Variants in BICD2 observed in about 807,000 individuals in gnomAD.
The protein encoded by BICD2 is protein bicaudal D homolog 2.
In BICD2, 25 loss-of-function variants were observed where a neutral mutation model predicts 72.9. The ratio of observed to expected loss-of-function variants is 0.34; its 90% CI spans 0.25 to 0.48. BICD2 has a LOEUF of 0.48. Ranked by LOEUF, BICD2 falls within the 20% of genes least tolerant of loss-of-function variation. BICD2 has a pLI of 0.99. For synonymous variants in BICD2, 501 were observed against 516.1 expected (o/e 0.97, Z 0.40); for missense variants, 894 against 1,175.2 (o/e 0.76, Z 3.50).
In BICD2 at chr9:92,713,986, G is replaced by A; in HGVS notation, c.*1168C>T. ...GTCCCACAGGGTGATCGGGAAAAAA[G>A]TACTGAGAAAAGTTCTGCTCAGAAT... is the stretch of plus-strand genomic sequence containing the variant. On this transcript the variant is annotated 3_prime_UTR_variant, in exon 7 of 7. Transcript: ENST00000356884. 1 of 987,660 alleles carries A rather than the reference G, an allele frequency of 1.0e-6. No homozygotes were observed. The highest frequency in any genetic ancestry group is 1.2e-6 in the Non-Finnish European group (1 of 831,258). 61.2% of individuals were successfully genotyped at this position (987,660 alleles called of 1,614,324 possible). A position where few individuals can be genotyped will look rare whatever the true frequency, so the allele number is the denominator to read the frequency against.
intron 1 of BICD2, among the ~76,000 whole-genome samples, chr9:92,746,288 T>C (rs1854011164): frequency 6.6e-6 from 1 of 151,970 alleles, no homozygotes; most frequent in African/African-American, 2.4e-5. Context: ...TCCCAGCACT[T>C]TGGGAGGCTG....
At chr9:92,721,695 A>C (rs1441807864) in intron 3 of BICD2, among the ~76,000 whole-genome samples, 1 of 152,190 alleles carries the variant, frequency 6.6e-6, no homozygotes, top group Non-Finnish European at 1.5e-5. Flanking sequence ...GGAATCCCAG[A>C]GAGGGAGAGA....
intron 1 of BICD2, among the ~76,000 whole-genome samples, chr9:92,747,854 G>A (rs1452213141): frequency 1.3e-5 from 2 of 152,176 alleles, no homozygotes; most frequent in Non-Finnish European, 2.9e-5. Flanking sequence ...AAGCATCTGT[G>A]GCATGAATGG....
intron 1 of BICD2, among the ~76,000 whole-genome samples, chr9:92,735,286 T>C (rs1853758639): frequency 6.6e-6 from 1 of 151,898 alleles, no homozygotes; most frequent in Non-Finnish European, 1.5e-5. Flanking sequence ...CAGACACCAT[T>C]AGGGAGGCCA....
intron 1 of BICD2, among the ~76,000 whole-genome samples, chr9:92,763,398 T>C (rs1854411338): frequency 6.6e-6 from 1 of 152,068 alleles, no homozygotes; most frequent in Non-Finnish European, 1.5e-5. Context: ...CAAGCTATAC[T>C]CCTGACCGCA....
In BICD2 at chr9:92,718,927, G is replaced by A; in HGVS notation, c.1718C>T (p.Thr573Ile). The A allele has an allele frequency of 6.2e-7, 1 of 1,608,106 alleles. No individual in the cohort carries two copies. The highest frequency in any genetic ancestry group is 2.2e-5 in the East Asian group (1 of 44,836). The change falls in exon 5 of 7, where the codon ACC (threonine) becomes ATC (isoleucine). Residue 573 changes from threonine (T) to isoleucine (I), a missense_variant. Coordinates refer to ENST00000356884, the MANE Select transcript of BICD2 (RefSeq NM_001003800.2). ...GAGRTSPGGR[T>I]SPEARGRRSP... The stretch of plus-strand genomic sequence containing the variant: ...GCGCCGGCCACGCGCCTCGGGGCTG[G>A]TGCGGCCCCCGGGACTGGTGCGGCC...
At chr9:92,733,304 G>A (rs1185540495) in intron 1 of BICD2, among the ~76,000 whole-genome samples, 4 of 152,060 alleles carry the variant, frequency 2.6e-5, no homozygotes, top group Non-Finnish European at 4.4e-5. Flanking sequence ...TTGGAAGGTC[G>A]AGGCGGGCAG....
chr9:92,732,688 A>G (rs1318551574), intron 1 of BICD2, among the ~76,000 whole-genome samples: 1 of 152,238 alleles, frequency 6.6e-6, no homozygotes, highest in Non-Finnish European at 1.5e-5. Flanking sequence ...AAAAAAACTT[A>G]ACTAGAATGC....
chr9:92,763,378 A>G (rs1854410725), intron 1 of BICD2, among the ~76,000 whole-genome samples: 1 of 152,150 alleles, frequency 6.6e-6, no homozygotes, highest in African/African-American at 2.4e-5. Flanking sequence ...GGGGGAAGGG[A>G]GCACACCACC....
intron 1 of BICD2, among the ~76,000 whole-genome samples, chr9:92,732,791 T>C (rs540483879): frequency 6.6e-6 from 1 of 152,342 alleles, no homozygotes; most frequent in African/African-American, 2.4e-5. Context: ...TGCATTGGTA[T>C]TTAAAGATAT....
chr9:92,750,291 G>A (rs188485040), intron 1 of BICD2, among the ~76,000 whole-genome samples: 150 of 152,318 alleles, frequency 9.8e-4, no homozygotes, highest in African/African-American at 3.3e-3. Context: ...CCAGCGATCA[G>A]ACTCTTCAGG....
At chr9:92,751,134 T>TTTTTTTTG (rs544044268) in intron 1 of BICD2, among the ~76,000 whole-genome samples, 1 of 150,348 alleles carries the variant, frequency 6.7e-6, no homozygotes, top group African/African-American at 2.4e-5. Context: ...TGGTTGGTTT[T>TTTTTTTTG]TTGTTGTTGT....
At chr9:92,745,431 G>C (rs1208326913) in intron 1 of BICD2, among the ~76,000 whole-genome samples, 1 of 152,002 alleles carries the variant, frequency 6.6e-6, no homozygotes, top group Non-Finnish European at 1.5e-5. Context: ...ACCTAACTAA[G>C]GGTGGGGACA....
intron 2 of BICD2, 67 bp from the exon 3 acceptor site, chr9:92,722,875 C>A (rs985998512): frequency 5.7e-6 from 9 of 1,590,534 alleles, no homozygotes; most frequent in Non-Finnish European, 6.9e-6. Context: ...CTCAGTGCAG[C>A]CAGGCACGCC....
At chr9:92,747,949 G>A (rs1345785775) in intron 1 of BICD2, among the ~76,000 whole-genome samples, 1 of 152,208 alleles carries the variant, frequency 6.6e-6, no homozygotes, top group Non-Finnish European at 1.5e-5. Flanking sequence ...GCAGGTCAAG[G>A]GCATAGCCAG....
In BICD2 at chr9:92,764,368, C is replaced by T; in HGVS notation, c.240+137G>A. 1 of 1,240,406 alleles carries T rather than the reference C, an allele frequency of 8.1e-7. No individual in the cohort carries two copies. Among genetic ancestry groups the T allele is most frequent in the East Asian group, 3.2e-5 (1 of 31,256 alleles). 76.8% of individuals were successfully genotyped at this position (1,240,406 alleles called of 1,614,324 possible). ...GCCGGGCCCACTCCCACATACTGCC[C>T]GTGCCCCCTCCGCCCCGGCGGCCCA... is the stretch of plus-strand genomic sequence containing the variant. On this transcript the variant is annotated intron_variant, in intron 1 of 6. Coordinates refer to ENST00000356884, the MANE Select transcript of BICD2 (RefSeq NM_001003800.2). The surrounding 1 kb of genome is among the most constrained non-coding windows in gnomAD (Gnocchi z 5.5).
At chr9:92,738,201 T>C (rs1331068093) in intron 1 of BICD2, among the ~76,000 whole-genome samples, 1 of 152,250 alleles carries the variant, frequency 6.6e-6, no homozygotes, top group Non-Finnish European at 1.5e-5. Context: ...GTTCCCATGG[T>C]TGGGCGTGTG....
Position 92,717,845 on chromosome 9 carries a change from T to C in BICD2, c.2210A>G (p.Lys737Arg). The stretch of plus-strand genomic sequence containing the variant: ...CGAGGAGAAGGTGGCTGCGTCCTCC[T>C]TGAGGGCCTTGAGCTCATTGCGCAG... Reference protein sequence around the residue: ...MKLRNELKALKEDAATFSSLR... With the variant: ...MKLRNELKALREDAATFSSLR... The change falls in exon 6 of 7, where the codon AAG becomes AGG. Residue 737 changes from lysine to arginine, a missense_variant. This residue lies in a region of BICD2 where 321 missense variants were observed against 443.9 expected (regional missense o/e 0.72). Transcript: ENST00000356884. The C allele has an allele frequency of 6.2e-7, 1 of 1,612,658 alleles. No homozygotes were observed. Among genetic ancestry groups the C allele is most frequent in the Non-Finnish European group, 8.5e-7 (1 of 1,179,954 alleles).
intron 3 of BICD2, among the ~76,000 whole-genome samples, chr9:92,721,745 G>A (rs868362156): frequency 1.3e-5 from 2 of 152,176 alleles, no homozygotes; most frequent in Non-Finnish European, 2.9e-5. Context: ...GGACAGGGTC[G>A]CCTCAAGCCT....
Sources: gnomAD v4.1 joint callset for allele counts (sites outside exome capture counted in the v4.1 genomes callset) on GRCh38, gnomAD v4.1.1 for gene constraint, gnomAD v4.1.1 regional missense constraint, Gnocchi (gnomAD v3.1) non-coding constraint, MANE v1.5 for transcripts, NCBI Gene and HGNC (gene_info 2026-07-23, HGNC 2026-07-21) for gene names.